Variants in SCAMP4 observed in about 807,000 individuals in gnomAD.
The protein encoded by SCAMP4 is secretory carrier membrane protein 4, also known as secretory carrier-associated membrane protein 4.
Under a neutral mutation model 32.1 loss-of-function variants are expected in SCAMP4, and 19 were observed. The ratio of observed to expected loss-of-function variants is 0.59; its 90% CI spans 0.41 to 0.87. The LOEUF is 0.87. Ranked by LOEUF, SCAMP4 falls within the 40% of genes least tolerant of loss-of-function variation. The pLI is 0.00. For synonymous variants in SCAMP4, 152 were observed against 132.7 expected (o/e 1.15, Z -1.00); for missense variants, 302 against 309.0 (o/e 0.98, Z 0.17).
intron 1 of SCAMP4, chr19:1,912,891 C>T (rs752934319): frequency 1.2e-6 from 2 of 1,607,108 alleles, no homozygotes; most frequent in East Asian, 2.2e-5. Context: ...AGGCGCCGTG[C>T]GTAAACTGGA....
At chr19:1,922,913 T>A (rs1239461118) in intron 5 of SCAMP4, 157 bp from the exon 6 acceptor site, 1 of 1,347,660 alleles carries the variant, frequency 7.4e-7, no homozygotes, top group Non-Finnish European at 9.5e-7. Flanking sequence ...CCTCTCAGTA[T>A]CGCTTTATGT....
intron 6 of SCAMP4, 48 bp downstream of exon 6, chr19:1,923,235 A>G (rs2013977353): frequency 1.4e-6 from 2 of 1,466,804 alleles, no homozygotes; most frequent in Non-Finnish European, 1.8e-6. Flanking sequence ...TTCTCCATGA[A>G]CCTCGTCACC....
At chr19:1,916,423 T>G (rs1439925011) in intron 2 of SCAMP4, among the ~76,000 whole-genome samples, 1 of 152,162 alleles carries the variant, frequency 6.6e-6, no homozygotes, top group Non-Finnish European at 1.5e-5. Context: ...ATCTCAGATT[T>G]CTGGCCTCCA....
At chr19:1,918,498 A>G in intron 4 of SCAMP4, 1 of 602,336 alleles carries the variant, frequency 1.7e-6, no homozygotes, top group Non-Finnish European at 2.8e-6. Flanking sequence ...GCAGTGGCTC[A>G]GGCCTATAAT....
rs562950055 is a variant in SCAMP4 at position 1,914,708 on chromosome 19, G to A, written c.-41-271G>A. On this transcript the variant is annotated intron_variant, in intron 1 of 6. Transcript: ENST00000316097. ...GGGACGCAGGGGCCTAGGACAGCGG[G>A]GAAGGGGCATCCTGGCTGGGGCGGT... is the stretch of plus-strand genomic sequence containing the variant. Among the ~76,000 whole-genome samples the A allele has an allele frequency of 1.0e-3, 158 of 152,354 alleles. 1 individual carries two copies. The highest frequency in any genetic ancestry group is 1.7e-3 in the Non-Finnish European group (117 of 68,034).
rs796517015 is a variant in SCAMP4 at position 1,915,774 on chromosome 19, G to A, written c.7+748G>A. ...ATCCTGGCTAACACGGTGAAACCCC[G>A]TCTCTACTAAAAATACAAAAAATTA... is the stretch of plus-strand genomic sequence containing the variant. On this transcript the variant is annotated intron_variant, in intron 2 of 6. Coordinates refer to ENST00000316097, the MANE Select transcript of SCAMP4 (RefSeq NM_079834.4). Among the ~76,000 whole-genome samples, 145 of 151,604 alleles carry A rather than the reference G, an allele frequency of 9.6e-4. 1 individual carries two copies. The highest frequency in any genetic ancestry group is 3.0e-3 in the African/African-American group (125 of 41,286).
rs764101660 is a variant in SCAMP4, at chr19:1,924,635, G to A, written c.*351G>A. 1.9e-4 allele frequency: 57 copies of A among 294,568 alleles called. No homozygotes were observed. Among genetic ancestry groups the A allele is most frequent in the Non-Finnish European group, 3.1e-4 (45 of 147,480 alleles). The allele number at this position is 294,568 out of a possible 1,614,324, so 18.2% of individuals were successfully genotyped here. On this transcript the variant is annotated 3_prime_UTR_variant, in exon 7 of 7. Coordinates refer to ENST00000316097, the MANE Select transcript of SCAMP4 (RefSeq NM_079834.4). ...TCCGGGGGACAGGTGGCAGCAGGTC[G>A]GCCGCCCTCCCGTCCTCCCAGAGCT... is the stretch of plus-strand genomic sequence containing the variant.
Position 1,908,474 on chromosome 19 carries a change from A to G in SCAMP4, c.-42+3035A>G, listed in dbSNP as rs1242892646. 1.3e-5 allele frequency: 6 copies of G among 470,884 alleles called. No individual in the cohort carries two copies. The highest frequency in any genetic ancestry group is 7.1e-5 in the Admixed American group (3 of 42,548). 29.2% of individuals were successfully genotyped at this position (470,884 alleles called of 1,614,324 possible). ...CGCGGCTGCGAAATGATCCAGAGACACATCCCTGTCTGCGGGAGGAGCCGT... is the reference window on the plus strand; with the variant it reads ...CGCGGCTGCGAAATGATCCAGAGACGCATCCCTGTCTGCGGGAGGAGCCGT... On this transcript the variant is annotated intron_variant, in intron 1 of 6. Coordinates refer to ENST00000316097, the MANE Select transcript of SCAMP4 (RefSeq NM_079834.4). This position sits in a 1 kb window ranked among gnomAD's most constrained non-coding sequence, Gnocchi z 4.2.
rs183718234 is a variant in SCAMP4, at chr19:1,910,122, C to T, written c.-42+4683C>T. ...GCTTAATACAACACCCGCCAGCTCCCGGTTCTGTGGGTCGGGGCCTGAATG... is the reference window on the plus strand; with the variant it reads ...GCTTAATACAACACCCGCCAGCTCCTGGTTCTGTGGGTCGGGGCCTGAATG... On this transcript the variant is annotated intron_variant, in intron 1 of 6. Coordinates refer to ENST00000316097, the MANE Select transcript of SCAMP4 (RefSeq NM_079834.4). 8.9e-3 allele frequency among the ~76,000 whole-genome samples: 1,360 copies of T among 152,298 alleles called. 25 individuals are homozygous for T. The highest frequency in any genetic ancestry group is 0.031 in the African/African-American group (1,282 of 41,550).
At chr19:1,914,940 C>T (rs749513997) in intron 1 of SCAMP4, 39 bp from the exon 2 acceptor site, 15 of 1,556,512 alleles carry the variant, frequency 9.6e-6, no homozygotes, top group African/African-American at 8.1e-5. Flanking sequence ...CTGCCCAGGG[C>T]AGCTCAGGGT....
intron 5 of SCAMP4, chr19:1,920,434 T>TC: frequency 5.0e-6 from 3 of 602,350 alleles, no homozygotes; most frequent in Non-Finnish European, 6.3e-6. Flanking sequence ...TGCAGGCCTC[T>TC]CCCCTCCTGC....
chr19:1,915,102 G>A (rs369046367), intron 2 of SCAMP4, 76 bp downstream of exon 2: 31 of 1,580,590 alleles, frequency 2.0e-5, no homozygotes, highest in South Asian at 3.3e-5. Context: ...AGGAGCCCTC[G>A]GTCCTGGCCG....
At chr19:1,905,623 C>G (rs1202197092) in intron 1 of SCAMP4, 184 bp downstream of exon 1, 1 of 162,938 alleles carries the variant, frequency 6.1e-6, no homozygotes, top group Non-Finnish European at 1.4e-5. Context: ...GGAGGCGGCG[C>G]GAATGCGCGT....
intron 2 of SCAMP4, among the ~76,000 whole-genome samples, chr19:1,916,486 G>T (rs572883986): frequency 2.0e-5 from 3 of 152,214 alleles, no homozygotes; most frequent in African/African-American, 7.2e-5. Context: ...TTTGAGACAG[G>T]GTCTGGGTCT....
intron 5 of SCAMP4, chr19:1,920,957 C>T (rs546584523): frequency 3.9e-4 from 381 of 985,354 alleles, no homozygotes; most frequent in Non-Finnish European, 4.4e-4. Flanking sequence ...GGTCATCTCC[C>T]GCAGGTCACG....
intron 5 of SCAMP4, chr19:1,919,999 C>A: frequency 3.9e-6 from 1 of 258,458 alleles, no homozygotes; most frequent in Non-Finnish European, 6.0e-6. Flanking sequence ...TAGTAAGAGA[C>A]GGGGTTTCAC....
chr19:1,908,205 G>A lies in SCAMP4; in HGVS notation c.-42+2766G>A, dbSNP rs1038830872. 3 of 270,846 alleles carry A rather than the reference G, an allele frequency of 1.1e-5. No individual in the cohort carries two copies. Among genetic ancestry groups the A allele is most frequent in the South Asian group, 3.2e-5 (1 of 31,170 alleles). The allele number at this position is 270,846 out of a possible 1,614,324, so 16.8% of individuals were successfully genotyped here. On this transcript the variant is annotated intron_variant, in intron 1 of 6. Transcript: ENST00000316097. This position sits in a 1 kb window ranked among gnomAD's most constrained non-coding sequence, Gnocchi z 4.2. ...GGCTGCTATGGGCCCCACCTGGCACGGGGCCTCGGGCAGCGGCAGCACCTG... is the reference window on the plus strand; with the variant it reads ...GGCTGCTATGGGCCCCACCTGGCACAGGGCCTCGGGCAGCGGCAGCACCTG...
chr19:1,915,398 TC>T (rs1419248522), intron 2 of SCAMP4: 2 of 297,748 alleles, frequency 6.7e-6, no homozygotes, highest in Non-Finnish European at 1.3e-5. Flanking sequence ...GGACAGGGCC[TC>T]TTGCTGTCTG....
chr19:1,924,123 C>A lies in SCAMP4; in HGVS notation c.529C>A (p.Arg177=). 6.2e-7 allele frequency: 1 copy of A among 1,610,114 alleles called. No homozygotes were observed. The highest frequency in any genetic ancestry group is 8.5e-7 in the Non-Finnish European group (1 of 1,178,618). ...IAIMKVHRIY[R]GAGGSFQKAQ... ...GTCCTTGCAGGTGCACAGGATCTAC[C>A]GAGGGGCTGGCGGAAGCTTCCAGAA... Residue 177 remains arginine (R), a synonymous_variant, in exon 7 of 7, where the codon CGA becomes AGA. Coordinates refer to ENST00000316097, the MANE Select transcript of SCAMP4 (RefSeq NM_079834.4).
Sources: allele counts gnomAD v4.1 joint callset (sites outside exome capture counted in the v4.1 genomes callset), GRCh38; gene constraint gnomAD v4.1.1; non-coding constraint Gnocchi (gnomAD v3.1); transcripts MANE v1.5; gene names NCBI Gene and HGNC (gene_info 2026-07-23, HGNC 2026-07-21).